Variants in NUP160 observed in about 807,000 individuals in gnomAD.
NUP160 encodes the protein nucleoporin 160.
Under a neutral mutation model 196.9 loss-of-function variants are expected in NUP160, and 94 were observed. The ratio of observed to expected loss-of-function variants is 0.48; its 90% CI spans 0.40 to 0.57. The LOEUF is 0.57. NUP160 is among the 20% of genes least tolerant of loss of function. The pLI is 0.00. For synonymous variants in NUP160, 605 were observed against 619.7 expected (o/e 0.98, Z 0.35); for missense variants, 1,638 against 1,748.3 (o/e 0.94, Z 1.13).
intron 27 of NUP160, chr11:47,796,462 C>T: frequency 3.4e-6 from 1 of 290,622 alleles, no homozygotes; most frequent in Non-Finnish European, 6.3e-6. Flanking sequence ...CCCAGAAGGA[C>T]CAGCAAAAAC....
At chr11:47,832,084 T>G (rs12794323) in intron 7 of NUP160, among the ~76,000 whole-genome samples, 10 of 151,708 alleles carry the variant, frequency 6.6e-5, no homozygotes, top group African/African-American at 2.4e-4. Context: ...GTATTTTTAG[T>G]AGAGAAGGAG....
At chr11:47,786,222 T>A (rs2290850) in intron 32 of NUP160, among the ~76,000 whole-genome samples, 1 of 151,964 alleles carries the variant, frequency 6.6e-6, no homozygotes, top group Admixed American at 6.6e-5. Context: ...AAACAGTAAG[T>A]CTTTGAGGAG....
intron 20 of NUP160, among the ~76,000 whole-genome samples, chr11:47,805,811 T>A (rs1599320263): frequency 2.6e-5 from 4 of 152,146 alleles, no homozygotes; most frequent in African/African-American, 9.6e-5. Flanking sequence ...TTAGACTATT[T>A]AGATAGAAGA....
At chr11:47,847,102 T>A (rs761857223) in intron 2 of NUP160, among the ~76,000 whole-genome samples, 2 of 152,120 alleles carry the variant, frequency 1.3e-5, no homozygotes, top group Non-Finnish European at 2.9e-5. Context: ...GTATCTCACA[T>A]CACTTTCTGT....
chr11:47,806,842 CACACACACACAT>C (rs942442856), intron 19 of NUP160, among the ~76,000 whole-genome samples: 21 of 103,444 alleles, frequency 2.0e-4, no homozygotes, highest in African/African-American at 4.0e-4. Context: ...CACACACACA[CACACACACACAT>C]ATATATACCA....
exon 19 of NUP160, chr11:47,807,103 T>C (rs767753985): frequency 6.2e-7 from 1 of 1,612,314 alleles, no homozygotes; most frequent in Admixed American, 1.7e-5. Flanking sequence ...CCAGAGTCTG[T>C]TAATTCCAGT....
chr11:47,779,020 T>G (rs1000861394), exon 36 of NUP160: 1 of 885,582 alleles, frequency 1.1e-6, no homozygotes, highest in African/African-American at 1.6e-5. Flanking sequence ...GTTACAAAAA[T>G]CGGCCTTGAG....
chr11:47,822,176 C>T lies in NUP160; in HGVS notation c.1102-12G>A, dbSNP rs532371420. On this transcript the variant is annotated splice_polypyrimidine_tract_variant and intron_variant, in intron 7 of 35. Transcript: ENST00000378460. ...TGGAAAATGCAGAACTGTTAAAACA[C>T]AAGATGATCATTTATTACCTGAAAT... 8.1e-5 allele frequency: 125 copies of T among 1,539,950 alleles called. 2 individuals carry two copies. The South Asian group carries it at 1.3e-3, about 16-fold the overall frequency.
At chr11:47,794,697 C>A (rs957997263) in intron 27 of NUP160, among the ~76,000 whole-genome samples, 1 of 151,970 alleles carries the variant, frequency 6.6e-6, no homozygotes, top group African/African-American at 2.4e-5. Context: ...ATTTTGAGGT[C>A]AGGAGTTCAA....
chr11:47,783,094 T>C (rs1245420763), exon 34 of NUP160: 2 of 1,613,748 alleles, frequency 1.2e-6, no homozygotes, highest in Non-Finnish European at 1.7e-6. Flanking sequence ...AGTATTGATG[T>C]CCTTTTCCCA....
Position 47,783,252 on chromosome 11 carries a change from C to T in NUP160, c.3991-54G>A, listed in dbSNP as rs2097662548. The stretch of plus-strand genomic sequence containing the variant: ...TACCTATTTCCCTCCTACTTGAGTA[C>T]TGACCAAAGAATGTTGAGTGGCTGA... On this transcript the variant is annotated intron_variant, in intron 33 of 35. Transcript: ENST00000378460. 5 of 1,575,184 alleles carry T rather than the reference C, an allele frequency of 3.2e-6. No homozygotes were observed. In the Admixed American group the frequency reaches 5.4e-5, roughly 17 times the overall value.
At chr11:47,796,401 CTAAT>C (rs1330453158) in intron 27 of NUP160, 2 of 403,046 alleles carry the variant, frequency 5.0e-6, no homozygotes, top group African/African-American at 4.2e-5. Flanking sequence ...TAAGAAGAAC[CTAAT>C]TAAATAACTG....
intron 7 of NUP160, among the ~76,000 whole-genome samples, chr11:47,832,241 C>T (rs72895718): frequency 0.046 from 6,968 of 152,172 alleles, 209 homozygotes; most frequent in Non-Finnish European, 0.069. Context: ...TGCCTCTGGT[C>T]ATTCCTGAGC....
chr11:47,841,154 TCTAA>T (rs1186136610), intron 2 of NUP160, among the ~76,000 whole-genome samples: 1 of 152,192 alleles, frequency 6.6e-6, no homozygotes, highest in Non-Finnish European at 1.5e-5. Flanking sequence ...ACTAAGCTAT[TCTAA>T]CTTTCATTAT....
chr11:47,837,627 C>T lies in NUP160; in HGVS notation c.749-4G>A. On this transcript the variant is annotated splice_polypyrimidine_tract_variant and splice_region_variant and intron_variant, in intron 4 of 35. Coordinates refer to ENST00000378460, the Ensembl canonical transcript of NUP160. ...AGTTCCACGACTGACACCATACCTG[C>T]AATGATATCCAAGGCACCTCTTGAA... The T allele has an allele frequency of 6.2e-7, 1 of 1,612,068 alleles. No homozygotes were observed. Among genetic ancestry groups the T allele is most frequent in the Non-Finnish European group, 8.5e-7 (1 of 1,178,152 alleles).
At chr11:47,787,683 G>C (rs1034259689) in intron 31 of NUP160, among the ~76,000 whole-genome samples, 2 of 150,878 alleles carry the variant, frequency 1.3e-5, no homozygotes. Context: ...GTATTAGTAG[G>C]ATTACAGATG....
At chr11:47,831,894 C>CTTTTTTTT (rs554204043) in intron 7 of NUP160, among the ~76,000 whole-genome samples, 5 of 69,982 alleles carry the variant, frequency 7.1e-5, no homozygotes, top group African/African-American at 3.1e-4. Flanking sequence ...TAATAAATTC[C>CTTTTTTTT]TTTTTTTTTT....
At chr11:47,837,484 C>A in intron 5 of NUP160, 61 bp downstream of exon 5, 1 of 1,258,862 alleles carries the variant, frequency 7.9e-7, no homozygotes, top group South Asian at 1.2e-5. Flanking sequence ...CAATAACTGC[C>A]GACCAGTGCA....
intron 4 of NUP160, among the ~76,000 whole-genome samples, chr11:47,838,737 G>A (rs1274321299): frequency 6.6e-6 from 1 of 151,922 alleles, no homozygotes; most frequent in Non-Finnish European, 1.5e-5. Flanking sequence ...CAGGTGCGGT[G>A]GCTCAAGCCT....
Sources: allele counts gnomAD v4.1 joint callset (sites outside exome capture counted in the v4.1 genomes callset), GRCh38; gene constraint gnomAD v4.1.1; transcripts MANE v1.5; gene names NCBI Gene and HGNC (gene_info 2026-07-23, HGNC 2026-07-21).